DNAJC2: variants seen among roughly 807,000 people sequenced by gnomAD.
DNAJC2 encodes the protein DnaJ heat shock protein family (Hsp40) member C2.
In DNAJC2, 32 loss-of-function variants were observed where a neutral mutation model predicts 94.0. The ratio of observed to expected loss-of-function variants is 0.34; its 90% CI spans 0.26 to 0.46. DNAJC2 has a LOEUF of 0.46. DNAJC2 is among the 20% of genes least tolerant of loss of function. The pLI, the probability that DNAJC2 is intolerant of heterozygous loss-of-function variation, is 1.00. For missense variants in DNAJC2, 550 were observed against 719.5 expected (o/e 0.76, Z 2.69); for synonymous variants, 210 against 229.7 (o/e 0.91, Z 0.77).
In DNAJC2 at chr7:103,316,842, C is replaced by G. The variant is rs750493852; in HGVS notation, c.1415G>C (p.Gly472Ala). Reference sequence around the variant, plus strand: ...TTAAAACCAGTACCTTGAATTTGTTCCAGCAGGGAACAGATTCACAGCTTT... The same window carrying G: ...TTAAAACCAGTACCTTGAATTTGTTGCAGCAGGGAACAGATTCACAGCTTT... The part of the protein sequence containing the change: ...LIKAVNLFPA[G>A]TNSRWEVIAN... Residue 472 changes from glycine (G) to alanine (A), a missense_variant, in exon 13 of 17, where the codon GGA (glycine) becomes GCA (alanine). By Grantham distance (60) the Gly-to-Ala change is moderately conservative (BLOSUM62 0). This residue lies in a region of DNAJC2 where 271 missense variants were observed against 302.6 expected (regional missense o/e 0.90). Coordinates refer to ENST00000379263, the MANE Select transcript of DNAJC2 (RefSeq NM_014377.3). The G allele has an allele frequency of 1.9e-6, 3 of 1,613,370 alleles. No individual in the cohort carries two copies. Among genetic ancestry groups the G allele is most frequent in the Non-Finnish European group, 2.5e-6 (3 of 1,179,866 alleles).
At chr7:103,323,721 T>G in intron 6 of DNAJC2, 58 bp from the exon 7 acceptor site, 2 of 1,226,704 alleles carry the variant, frequency 1.6e-6, no homozygotes, top group Non-Finnish European at 2.2e-6. Context: ...AAAATTCTTT[T>G]TAATGCAAGT....
At chr7:103,314,571 G>T in intron 15 of DNAJC2, 1 of 985,342 alleles carries the variant, frequency 1.0e-6, no homozygotes, top group Non-Finnish European at 1.2e-6. Flanking sequence ...GTTGTATTTT[G>T]TGGAGATAAA....
At chr7:103,338,069 C>G (rs998473541) in intron 2 of DNAJC2, among the ~76,000 whole-genome samples, 2 of 151,992 alleles carry the variant, frequency 1.3e-5, no homozygotes, top group African/African-American at 4.8e-5. Flanking sequence ...AATATGAGGC[C>G]AGCCTGGGCA....
chr7:103,312,864 C>T, intron 16 of DNAJC2, 83 bp downstream of exon 16: 11 of 1,541,656 alleles, frequency 7.1e-6, no homozygotes, highest in Non-Finnish European at 9.6e-6. Context: ...TATTATTAAC[C>T]ACTTAATAGA....
chr7:103,328,217 C>T (rs533899085), intron 3 of DNAJC2, among the ~76,000 whole-genome samples: 26 of 152,092 alleles, frequency 1.7e-4, no homozygotes, highest in African/African-American at 5.8e-4. Context: ...CCACTGAGCC[C>T]GGCTTGAAGT....
At chr7:103,320,279 G>A (rs535328346) in intron 10 of DNAJC2, among the ~76,000 whole-genome samples, 4 of 151,752 alleles carry the variant, frequency 2.6e-5, no homozygotes, top group African/African-American at 9.7e-5. Flanking sequence ...TAGTAGAGAC[G>A]GGGTTTCACC....
Position 103,341,823 on chromosome 7 carries a change from C to T in DNAJC2, c.196G>A (p.Glu66Lys). 6.2e-7 allele frequency: 1 copy of T among 1,610,410 alleles called. No individual in the cohort carries two copies. The highest frequency in any genetic ancestry group is 8.5e-7 in the Non-Finnish European group (1 of 1,178,870). ...GGAAACTCTTCCAACTGCAATTCTT[C>T]ATCTTCTGATTCCTCGGATAACTCT... ...KKELSEESED[E>K]ELQLEEFPML... Residue 66 changes from glutamate to lysine, a missense_variant, in exon 2 of 17, where the codon GAA becomes AAA. Glu to Lys is a moderately conservative substitution (Grantham distance 56, BLOSUM62 1). Around this residue, in one of 2 missense-constraint regions of DNAJC2, gnomAD observed 279 missense variants for 416.9 expected, o/e 0.67. Transcript: ENST00000379263.
At chr7:103,337,844 G>A in intron 2 of DNAJC2, 33 bp from the exon 3 acceptor site, 2 of 1,519,752 alleles carry the variant, frequency 1.3e-6, no homozygotes, top group Non-Finnish European at 1.8e-6. Flanking sequence ...AGTCAAATTT[G>A]AAATGAAGCC....
At chr7:103,322,883 A>G (rs765616610) in intron 7 of DNAJC2, 89 bp from the exon 8 acceptor site, 1 of 1,029,230 alleles carries the variant, frequency 9.7e-7, no homozygotes, top group East Asian at 2.6e-5. Context: ...TTATATGTAC[A>G]TAACATCCTA....
chr7:103,319,871 T>G (rs1818284900), intron 10 of DNAJC2, 27 bp from the exon 11 acceptor site: 1 of 1,608,782 alleles, frequency 6.2e-7, no homozygotes, highest in African/African-American at 1.3e-5. Context: ...AAAAATAGTA[T>G]CTACACTCAA....
At position 103,344,670 on chromosome 7, in the gene DNAJC2, C is replaced by T; in HGVS notation, c.-48G>A. The T allele has an allele frequency of 6.3e-7, 1 of 1,593,124 alleles. No homozygotes were observed. The highest frequency in any genetic ancestry group is 8.5e-7 in the Non-Finnish European group (1 of 1,173,298). On this transcript the variant is annotated 5_prime_UTR_variant, in exon 1 of 17. Transcript: ENST00000379263. ...TGGGCGCAGCGGCTCACGTCCCGGG[C>T]GGAGGGCGCTTAGGGTCCCCTCCAG...
intron 3 of DNAJC2, among the ~76,000 whole-genome samples, chr7:103,329,910 C>T (rs1047465640): frequency 3.3e-5 from 5 of 152,036 alleles, no homozygotes; most frequent in Non-Finnish European, 7.3e-5. Flanking sequence ...CAATAGTTGT[C>T]TCTTATTTAA....
chr7:103,313,083 G>C lies in DNAJC2; in HGVS notation c.1655C>G (p.Thr552Ser), dbSNP rs371471865. Residue 552 changes from threonine (T) to serine (S), a missense_variant, in exon 16 of 17, where the codon ACC (threonine) becomes AGC (serine). Coordinates refer to ENST00000379263, the MANE Select transcript of DNAJC2 (RefSeq NM_014377.3). ...CTTCTGTTCTTCTGTTGTCCAAGGG[G>C]TGAAGTCTGTATATGGACCTGATTA... ...ERFEGPYTDF[T>S]PWTTEEQKLL... is the part of the protein sequence containing the mutation. 41 of 1,613,102 alleles carry C rather than the reference G, an allele frequency of 2.5e-5. No individual in the cohort carries two copies. In the African/African-American group the frequency reaches 5.3e-4, roughly 21 times the overall value.
At chr7:103,314,338 C>T in intron 15 of DNAJC2, 1 of 985,326 alleles carries the variant, frequency 1.0e-6, no homozygotes, top group Non-Finnish European at 1.2e-6. Context: ...AAAAATGGTG[C>T]CAGCTTGCTG....
intron 2 of DNAJC2, among the ~76,000 whole-genome samples, chr7:103,339,261 G>A (rs191711803): frequency 6.6e-5 from 10 of 152,250 alleles, no homozygotes; most frequent in African/African-American, 2.4e-4. Context: ...TATCTGACAT[G>A]GTGTTTGATC....
chr7:103,330,689 A>G (rs890945038), intron 3 of DNAJC2, among the ~76,000 whole-genome samples: 5 of 149,780 alleles, frequency 3.3e-5, no homozygotes, highest in Admixed American at 1.3e-4. Context: ...TGACCTCGTG[A>G]TCTGCCCACC....
Position 103,312,969 on chromosome 7 carries a change from T to G in DNAJC2, c.1769A>C (p.Lys590Thr). 6.2e-7 allele frequency: 1 copy of G among 1,613,758 alleles called. No individual in the cohort carries two copies. Among genetic ancestry groups the G allele is most frequent in the Non-Finnish European group, 8.5e-7 (1 of 1,179,872 alleles). Residue 590 changes from lysine (K) to threonine (T), a missense_variant, in exon 16 of 17, where the codon AAG becomes ACG. Coordinates refer to ENST00000379263, the MANE Select transcript of DNAJC2 (RefSeq NM_014377.3). Reference sequence around the variant, plus strand: ...AACCTTGTATCGTTTCATGCAGTCCTTCTTTGTCCTGCCAGGCACCGCTTC... The same window carrying G: ...AACCTTGTATCGTTTCATGCAGTCCGTCTTTGTCCTGCCAGGCACCGCTTC... ...IAEAVPGRTK[K>T]DCMKRYKELV...
chr7:103,314,954 TG>T (rs1214854537), intron 15 of DNAJC2, among the ~76,000 whole-genome samples: 4 of 152,154 alleles, frequency 2.6e-5, no homozygotes, highest in Non-Finnish European at 4.4e-5. Context: ...TTTCAAACCT[TG>T]TCATAGCAAG....
At chr7:103,313,308 C>A (rs749454527) in intron 15 of DNAJC2, 27 of 1,317,708 alleles carry the variant, frequency 2.0e-5, no homozygotes, top group Non-Finnish European at 2.4e-5. Context: ...AAAATAAAAT[C>A]TCAAAGGCTT....
Sources: allele counts gnomAD v4.1 joint callset (sites outside exome capture counted in the v4.1 genomes callset), GRCh38; gene constraint gnomAD v4.1.1; regional missense constraint gnomAD v4.1.1; transcripts MANE v1.5; gene names NCBI Gene and HGNC (gene_info 2026-07-23, HGNC 2026-07-21).